Variants in C1GALT1 observed in about 807,000 individuals in gnomAD.
C1GALT1 encodes the protein core 1 synthase, glycoprotein-N-acetylgalactosamine 3-beta-galactosyltransferase 1.
A neutral mutation model predicts 31.0 loss-of-function variants in C1GALT1; 11 were observed. That is an observed-to-expected ratio of 0.36 (90% CI 0.22 to 0.59). C1GALT1 has a LOEUF of 0.59. Ranked by LOEUF, C1GALT1 falls within the 20% of genes least tolerant of loss-of-function variation. C1GALT1 has a pLI of 0.79. For missense variants in C1GALT1, 424 were observed against 425.2 expected (o/e 1.00, Z 0.03); for synonymous variants, 175 against 143.6 (o/e 1.22, Z -1.56).
At chr7:7,215,134 G>T (rs1782176232) in intron 1 of C1GALT1, among the ~76,000 whole-genome samples, 2 of 152,168 alleles carry the variant, frequency 1.3e-5, no homozygotes, top group South Asian at 4.1e-4. Flanking sequence ...TGTTCCCAAG[G>T]ACGTGAAACA....
chr7:7,167,630 C>A (rs994656186), intron 2 of C1GALT1, among the ~76,000 whole-genome samples: 1 of 151,378 alleles, frequency 6.6e-6, no homozygotes, highest in Non-Finnish European at 1.5e-5. Context: ...AGGGTCTTTT[C>A]AAGCAGAATC....
At chr7:7,178,060 G>A (rs951158109), upstream of C1GALT1, 4 of 225,956 alleles carry the variant, frequency 1.8e-5, no homozygotes, top group African/African-American at 4.6e-5. Flanking sequence ...AAAGTTTACA[G>A]GAGAGCCATC....
intron 1 of C1GALT1, among the ~76,000 whole-genome samples, chr7:7,191,173 A>C (rs1781054521): frequency 6.6e-6 from 1 of 152,130 alleles, no homozygotes; most frequent in Non-Finnish European, 1.5e-5. Flanking sequence ...CCTGGAAACC[A>C]AAAGCCTACT....
intron 1 of C1GALT1, among the ~76,000 whole-genome samples, chr7:7,198,490 TTC>T (rs1781396290): frequency 6.6e-6 from 1 of 152,254 alleles, no homozygotes; most frequent in Admixed American, 6.5e-5. Context: ...TGGTCTAAAA[TTC>T]TCTTTTTTTT....
chr7:7,244,754 T>C lies in C1GALT1; in HGVS notation c.*1027T>C, dbSNP rs1195653888. 2 of 152,168 alleles carry C rather than the reference T, an allele frequency of 1.3e-5. No individual in the cohort carries two copies. Among genetic ancestry groups the C allele is most frequent in the Admixed American group, 6.5e-5 (1 of 15,274 alleles). The allele number at this position is 152,168 out of a possible 1,614,324, so 9.4% of individuals were successfully genotyped here. On this transcript the variant is annotated 3_prime_UTR_variant, in exon 4 of 4. Coordinates refer to ENST00000436587, the MANE Select transcript of C1GALT1 (RefSeq NM_020156.5). The stretch of plus-strand genomic sequence containing the variant: ...GTTTAAAGCAGAGTTTTAAAATTAG[T>C]TTATAGGATCTGAGGTGGCTATTAG...
chr7:7,207,148 T>A (rs77813401), intron 1 of C1GALT1, among the ~76,000 whole-genome samples: 6,002 of 152,172 alleles, frequency 0.039, 263 homozygotes, highest in African/African-American at 0.11. Flanking sequence ...TTTTCTTTGT[T>A]TTCCTAAGAC....
chr7:7,208,423 C>T (rs1371660173), intron 1 of C1GALT1, among the ~76,000 whole-genome samples: 1 of 152,104 alleles, frequency 6.6e-6, no homozygotes, highest in Non-Finnish European at 1.5e-5. Flanking sequence ...CAGGCATCCA[C>T]TGGGGTTCTG....
At chr7:7,231,859 TAC>T (rs1444326676) in intron 1 of C1GALT1, among the ~76,000 whole-genome samples, 1 of 152,216 alleles carries the variant, frequency 6.6e-6, no homozygotes, top group Non-Finnish European at 1.5e-5. Context: ...AGAATATTTT[TAC>T]AGTTAGGCTA....
chr7:7,215,325 CT>C (rs1782187176), intron 1 of C1GALT1, among the ~76,000 whole-genome samples: 1 of 152,170 alleles, frequency 6.6e-6, no homozygotes, highest in East Asian at 1.9e-4. Flanking sequence ...CTCACAAATC[CT>C]TCTTCATTAA....
intron 1 of C1GALT1, among the ~76,000 whole-genome samples, chr7:7,226,757 G>A (rs532741125): frequency 6.6e-6 from 1 of 152,216 alleles, no homozygotes; most frequent in African/African-American, 2.4e-5. Context: ...ATTTAGAGGA[G>A]TTGTGATTAA....
At chr7:7,158,628 T>A (rs1051335371) in intron 2 of C1GALT1, among the ~76,000 whole-genome samples, 1 of 150,944 alleles carries the variant, frequency 6.6e-6, no homozygotes, top group African/African-American at 2.4e-5. Context: ...TACAGGTATA[T>A]ACACATGTAT....
intron 1 of C1GALT1, among the ~76,000 whole-genome samples, chr7:7,191,349 A>C (rs1013145392): frequency 2.0e-5 from 3 of 152,164 alleles, no homozygotes; most frequent in Non-Finnish European, 4.4e-5. Context: ...ATACTATTCC[A>C]TTGTATGTAA....
intron 2 of C1GALT1, among the ~76,000 whole-genome samples, chr7:7,173,592 G>T (rs1381312742): frequency 1.3e-5 from 2 of 152,086 alleles, no homozygotes; most frequent in Non-Finnish European, 2.9e-5. Flanking sequence ...TAGTCTGTTT[G>T]GGCTGCTATA....
At chr7:7,189,711 A>G (rs1780974513) in intron 1 of C1GALT1, among the ~76,000 whole-genome samples, 1 of 152,198 alleles carries the variant, frequency 6.6e-6, no homozygotes, top group Non-Finnish European at 1.5e-5. Context: ...GAATAAACTC[A>G]TAGTGTTTTA....
In C1GALT1 at chr7:7,246,066, G is replaced by C. The variant is rs930014704; in HGVS notation, c.*2339G>C. On this transcript the variant is annotated 3_prime_UTR_variant, in exon 4 of 4. Coordinates refer to ENST00000436587, the MANE Select transcript of C1GALT1 (RefSeq NM_020156.5). ...CTGCATTTAAGTGAATGAAAAATTT[G>C]CTTTGACCAGATACTGAAGGAAATA... 1.3e-5 allele frequency: 2 copies of C among 152,144 alleles called. No homozygotes were observed. Among genetic ancestry groups the C allele is most frequent in the African/African-American group, 4.8e-5 (2 of 41,414 alleles). The allele number at this position is 152,144 out of a possible 1,614,324, so 9.4% of individuals were successfully genotyped here. A position where few individuals can be genotyped will look rare whatever the true frequency, so the allele number is the denominator to read the frequency against.
At chr7:7,227,604 C>T (rs1455834182) in intron 1 of C1GALT1, among the ~76,000 whole-genome samples, 1 of 151,310 alleles carries the variant, frequency 6.6e-6, no homozygotes, top group African/African-American at 2.4e-5. Context: ...CCTGTAGTCC[C>T]AGCTACTTGG....
At chr7:7,176,870 A>C (rs1780510959) in intron 2 of C1GALT1, among the ~76,000 whole-genome samples, 1 of 152,202 alleles carries the variant, frequency 6.6e-6, no homozygotes, top group Non-Finnish European at 1.5e-5. Flanking sequence ...AGGTATTTTC[A>C]ATAGGAGACG....
At chr7:7,228,781 T>C (rs1243788723) in intron 1 of C1GALT1, among the ~76,000 whole-genome samples, 2 of 152,176 alleles carry the variant, frequency 1.3e-5, no homozygotes, top group African/African-American at 4.8e-5. Context: ...ACAAAACATT[T>C]TAAAGTTAAA....
At chr7:7,224,880 G>A (rs1782683096) in intron 1 of C1GALT1, among the ~76,000 whole-genome samples, 1 of 150,162 alleles carries the variant, frequency 6.7e-6, no homozygotes. Flanking sequence ...TGTATTAAGT[G>A]TATTTAAGTG....
Sources: gnomAD v4.1 joint callset for allele counts (sites outside exome capture counted in the v4.1 genomes callset) on GRCh38, gnomAD v4.1.1 for gene constraint, MANE v1.5 for transcripts, NCBI Gene and HGNC (gene_info 2026-07-23, HGNC 2026-07-21) for gene names.